The following KCNK4 variants were observed in gnomAD, a reference collection of about 807,000 sequenced individuals.
KCNK4 encodes potassium channel subfamily K member 4.
A neutral mutation model predicts 28.8 loss-of-function variants in KCNK4; 22 were observed. The ratio of observed to expected loss-of-function variants is 0.76; its 90% CI spans 0.55 to 1.09. The LOEUF is 1.09. Among genes scored for constraint, KCNK4 ranks in the 50% least tolerant of loss-of-function variants. The probability of loss-of-function intolerance (pLI) is 0.00; values close to 1 mark genes in which losing one functional copy is unlikely to be tolerated. For synonymous variants in KCNK4, 263 were observed against 252.9 expected (o/e 1.04, Z -0.38); for missense variants, 483 against 546.3 (o/e 0.88, Z 1.15).
chr11:64,293,164 CCCATCCGTGTGTGAGCGA>C lies in KCNK4; in HGVS notation c.150_167del (p.His50_Asp55del). 6.6e-7 allele frequency: 1 copy of C among 1,522,912 alleles called. No homozygotes were observed. The highest frequency in any genetic ancestry group is 1.2e-5 in the South Asian group (1 of 80,298). The allele number at this position is 1,522,912 out of a possible 1,614,324, so 94.3% of individuals were successfully genotyped here. The stretch of plus-strand genomic sequence containing the variant: ...GAGGTCCGAGAGAAGTTCCTGAGGG[CCCATCCGTGTGTGAGCGA>C]CCAGGAGCTGGGCCTCCTCATCAAG... On this transcript the variant is annotated inframe_deletion, in exon 2 of 7. Transcript: ENST00000422670.
chr11:64,297,611 A>G lies in KCNK4; in HGVS notation c.619A>G (p.Ile207Val). 6.2e-7 allele frequency: 1 copy of G among 1,613,902 alleles called. No individual in the cohort carries two copies. The highest frequency in any genetic ancestry group is 8.5e-7 in the Non-Finnish European group (1 of 1,179,830). The change falls in exon 5 of 7, where the codon ATA becomes GTA. Residue 207 changes from isoleucine (I) to valine (V), a missense_variant. Physicochemically the swap from Ile to Val is conservative, Grantham distance 29. Transcript: ENST00000422670. ...WSKLEAIYFV[I>V]VTLTTVGFGD... ...CAAGCTGGAGGCCATCTACTTTGTC[A>G]TAGTGACGCTTACCACCGTGGGCTT...
chr11:64,293,802 T>C (rs967106944), intron 2 of KCNK4, among the ~76,000 whole-genome samples: 1 of 152,120 alleles, frequency 6.6e-6, no homozygotes, highest in Non-Finnish European at 1.5e-5. Flanking sequence ...GGTTTCACCA[T>C]GTTGGCCAGG....
At chr11:64,292,360 C>G (rs1237596228) in intron 1 of KCNK4, among the ~76,000 whole-genome samples, 1 of 152,062 alleles carries the variant, frequency 6.6e-6, no homozygotes, top group African/African-American at 2.4e-5. Context: ...CTGGGTGCGG[C>G]GGCCGGGACC....
At chr11:64,293,520 A>G (rs1487799327) in intron 2 of KCNK4, among the ~76,000 whole-genome samples, 6 of 152,116 alleles carry the variant, frequency 3.9e-5, no homozygotes. Flanking sequence ...GCTATGTTAC[A>G]TTTGCACAGG....
intron 5 of KCNK4, among the ~76,000 whole-genome samples, 161 bp downstream of exon 5, chr11:64,297,814 G>A (rs551237117): frequency 6.6e-6 from 1 of 152,288 alleles, no homozygotes; most frequent in East Asian, 1.9e-4. Context: ...AGCGCCTTAT[G>A]CACACTCACA....
chr11:64,293,308 T>A (rs1591224765), intron 2 of KCNK4, 101 bp downstream of exon 2: 1 of 1,288,956 alleles, frequency 7.8e-7, no homozygotes, highest in East Asian at 2.9e-5. Flanking sequence ...CAGATCAGTA[T>A]CCCTGAGGAC....
Position 64,298,184 on chromosome 11 carries a change from T to C in KCNK4, c.736T>C (p.Phe246Leu), listed in dbSNP as rs753470640. ...CTGGATCCTGCTCGGCCTGGCTTAC[T>C]TCGCCTCAGTGCTCACCACCATCGG... ...WFWILLGLAY[F>L]ASVLTTIGNW... Residue 246 changes from phenylalanine (F) to leucine (L), a missense_variant, in exon 6 of 7, where the codon TTC (phenylalanine) becomes CTC (leucine). Physicochemically the swap from Phe to Leu is conservative, Grantham distance 22 (BLOSUM62 0). Transcript: ENST00000422670. 3.1e-6 allele frequency: 5 copies of C among 1,613,810 alleles called. No homozygotes were observed. The highest frequency in any genetic ancestry group is 3.4e-6 in the Non-Finnish European group (4 of 1,180,034).
chr11:64,297,476 G>A lies in KCNK4; in HGVS notation c.484G>A (p.Val162Met), dbSNP rs1565369710. Residue 162 changes from valine (V) to methionine (M), a missense_variant, in exon 5 of 7, where the codon GTG becomes ATG. Coordinates refer to ENST00000422670, the MANE Select transcript of KCNK4 (RefSeq NM_033310.3). ...CTGCCCCATCCCGCAGAAGTGGCAC[G>A]TGCCACCGGAGCTAGTAAGAGTGCT... ...HIEAIFLKWHVPPELVRVLSA... is the reference protein window; with the variant it reads ...HIEAIFLKWHMPPELVRVLSA... 1 of 1,614,060 alleles carries A rather than the reference G, an allele frequency of 6.2e-7. No homozygotes were observed. The highest frequency in any genetic ancestry group is 8.5e-7 in the Non-Finnish European group (1 of 1,179,984).
At chr11:64,298,870 G>A (rs984770519) in intron 6 of KCNK4, among the ~76,000 whole-genome samples, 3 of 151,574 alleles carry the variant, frequency 2.0e-5, no homozygotes, top group East Asian at 3.9e-4. Flanking sequence ...GTGAAACCCC[G>A]TCTCTACTAA....
intron 1 of KCNK4, chr11:64,291,926 C>T (rs987911154): frequency 2.4e-5 from 17 of 701,918 alleles, no homozygotes; most frequent in African/African-American, 7.9e-5. Flanking sequence ...CCGCCCGCCA[C>T]GCTCCGAGGC....
At chr11:64,299,163 T>C (rs1304102506) in intron 6 of KCNK4, among the ~76,000 whole-genome samples, 183 bp from the exon 7 acceptor site, 2 of 152,104 alleles carry the variant, frequency 1.3e-5, no homozygotes, top group African/African-American at 4.8e-5. Context: ...CGATTTGTAT[T>C]TTGCCACCCT....
At chr11:64,298,543 G>A (rs1031150293) in intron 6 of KCNK4, among the ~76,000 whole-genome samples, 3 of 152,124 alleles carry the variant, frequency 2.0e-5, no homozygotes, top group African/African-American at 2.4e-5. Flanking sequence ...TTAGCCCTGC[G>A]TGGTGGTGTG....
At chr11:64,293,542 G>T (rs1221593474) in intron 2 of KCNK4, among the ~76,000 whole-genome samples, 1 of 152,142 alleles carries the variant, frequency 6.6e-6, no homozygotes, top group Non-Finnish European at 1.5e-5. Flanking sequence ...CTCACTCACC[G>T]GTCTAGATTG....
chr11:64,293,944 TG>T (rs531950124), intron 2 of KCNK4, among the ~76,000 whole-genome samples: 1 of 152,200 alleles, frequency 6.6e-6, no homozygotes, highest in Non-Finnish European at 1.5e-5. Flanking sequence ...GCAATATTTT[TG>T]TTTGCTAAAT....
chr11:64,298,278 T>G, intron 6 of KCNK4, 29 bp downstream of exon 6: 1 of 1,609,168 alleles, frequency 6.2e-7, no homozygotes, highest in Non-Finnish European at 8.5e-7. Flanking sequence ...GCACTGTGCC[T>G]GCGCACTGTG....
In KCNK4 at chr11:64,297,452, T is replaced by G; in HGVS notation, c.475-15T>G. 1 of 1,613,730 alleles carries G rather than the reference T, an allele frequency of 6.2e-7. No individual in the cohort carries two copies. The highest frequency in any genetic ancestry group is 8.5e-7 in the Non-Finnish European group (1 of 1,179,780). On this transcript the variant is annotated splice_polypyrimidine_tract_variant and intron_variant, in intron 4 of 6. Transcript: ENST00000422670. ...TTGGTGTCTCCTGGGTCCTGCCTACTGCCCCATCCCGCAGAAGTGGCACGT... is the reference window on the plus strand; with the variant it reads ...TTGGTGTCTCCTGGGTCCTGCCTACGGCCCCATCCCGCAGAAGTGGCACGT...
At chr11:64,291,994 C>A in intron 1 of KCNK4, 1 of 1,172,726 alleles carries the variant, frequency 8.5e-7, no homozygotes, top group South Asian at 1.4e-5. Context: ...TGCGCGGTGG[C>A]CCTGCTGTCT....
In KCNK4 at chr11:64,298,229, T is replaced by A. The variant is rs769858736; in HGVS notation, c.781T>A (p.Ser261Thr). Residue 261 changes from serine (S) to threonine (T), a missense_variant, in exon 6 of 7, where the codon TCC (serine) becomes ACC (threonine). Transcript: ENST00000422670. Reference sequence around the variant, plus strand: ...CATCGGGAACTGGCTGCGAGTAGTGTCCCGCCGCACTCGGGCAGAGGTAGG... The same window carrying A: ...CATCGGGAACTGGCTGCGAGTAGTGACCCGCCGCACTCGGGCAGAGGTAGG... ...TTIGNWLRVV[S>T]RRTRAEMGGL... 6.2e-6 allele frequency: 10 copies of A among 1,612,688 alleles called. No homozygotes were observed. The highest frequency in any genetic ancestry group is 7.6e-6 in the Non-Finnish European group (9 of 1,180,006).
At chr11:64,292,186 G>C (rs1303686749) in intron 1 of KCNK4, 13 of 797,870 alleles carry the variant, frequency 1.6e-5, no homozygotes, top group African/African-American at 1.9e-5. Flanking sequence ...GCGGGTCTTT[G>C]TGCCCGCGCT....
Sources: allele counts gnomAD v4.1 joint callset (sites outside exome capture counted in the v4.1 genomes callset), GRCh38; gene constraint gnomAD v4.1.1; transcripts MANE v1.5; gene names NCBI Gene and HGNC (gene_info 2026-07-23, HGNC 2026-07-21).